The following COL26A1 variants were observed in gnomAD, a reference collection of about 807,000 sequenced individuals.
COL26A1 encodes the protein collagen alpha-1(XXVI) chain.
In COL26A1, 41 loss-of-function variants were observed where a neutral mutation model predicts 59.3. That is an observed-to-expected ratio of 0.69 (90% CI 0.54 to 0.90). The LOEUF (loss-of-function observed/expected upper bound fraction) is 0.90. COL26A1 is among the 40% of genes least tolerant of loss of function. The pLI, the probability that COL26A1 is intolerant of heterozygous loss-of-function variation, is 0.00. For missense variants in COL26A1, 612 were observed against 602.3 expected (o/e 1.02, Z -0.17); for synonymous variants, 266 against 256.0 (o/e 1.04, Z -0.37).
At chr7:101,499,889 A>AAC (rs1554423386) in intron 3 of COL26A1, among the ~76,000 whole-genome samples, 1 of 120,000 alleles carries the variant, frequency 8.3e-6, no homozygotes, top group African/African-American at 3.8e-5. Flanking sequence ...TAAAAAAAAA[A>AAC]AAAAAAACAC....
intron 3 of COL26A1, among the ~76,000 whole-genome samples, chr7:101,451,376 A>G (rs1793334961): frequency 6.8e-6 from 1 of 146,964 alleles, no homozygotes; most frequent in Admixed American, 6.9e-5. Flanking sequence ...AATTATATAT[A>G]ATGTTATATT....
intron 1 of COL26A1, among the ~76,000 whole-genome samples, chr7:101,382,588 T>A (rs1369418125): frequency 1.3e-5 from 2 of 152,248 alleles, no homozygotes; most frequent in Non-Finnish European, 2.9e-5. Flanking sequence ...TATATTTTGT[T>A]AGCTGATAGA....
intron 2 of COL26A1, among the ~76,000 whole-genome samples, chr7:101,429,019 G>C (rs910647063): frequency 6.6e-6 from 1 of 151,384 alleles, no homozygotes; most frequent in African/African-American, 2.4e-5. Flanking sequence ...CTGCCTCCAG[G>C]TTCAAGCAGT....
intron 3 of COL26A1, among the ~76,000 whole-genome samples, chr7:101,530,334 T>C (rs6972074): frequency 0.29 from 44,131 of 151,406 alleles, 7,136 homozygotes; most frequent in African/African-American, 0.44. Context: ...TTTGGGAGGC[T>C]GAGGTGGGCG....
chr7:101,384,600 C>A (rs1212419514), intron 1 of COL26A1, among the ~76,000 whole-genome samples: 1 of 152,154 alleles, frequency 6.6e-6, no homozygotes, highest in East Asian at 1.9e-4. Flanking sequence ...GGATTACAGG[C>A]ATGAGCTATT....
chr7:101,393,886 A>G (rs148799807), intron 1 of COL26A1, among the ~76,000 whole-genome samples: 1,954 of 152,140 alleles, frequency 0.013, 37 homozygotes, highest in African/African-American at 0.044. Context: ...AGCTGCGACT[A>G]CAGGTGTGTG....
At chr7:101,483,825 C>T (rs1190785503) in intron 3 of COL26A1, among the ~76,000 whole-genome samples, 1 of 152,084 alleles carries the variant, frequency 6.6e-6, no homozygotes, top group African/African-American at 2.4e-5. Flanking sequence ...CAGGCACACA[C>T]CACCACTCCT....
intron 3 of COL26A1, among the ~76,000 whole-genome samples, chr7:101,469,570 A>G (rs1793845297): frequency 6.6e-6 from 1 of 151,562 alleles, no homozygotes; most frequent in African/African-American, 2.4e-5. Flanking sequence ...GCTCACTGCA[A>G]TCTCCGCTTC....
At chr7:101,555,640 T>C (rs1031568642) in intron 11 of COL26A1, 147 bp from the exon 12 acceptor site, 12 of 593,170 alleles carry the variant, frequency 2.0e-5, no homozygotes, top group Non-Finnish European at 2.4e-5. Flanking sequence ...TGATGTTCAG[T>C]CTATGCTTAT....
At chr7:101,492,437 C>T (rs1249048323) in intron 3 of COL26A1, among the ~76,000 whole-genome samples, 1 of 151,856 alleles carries the variant, frequency 6.6e-6, no homozygotes. Flanking sequence ...TGGCTCATGC[C>T]TGTAATCTCA....
At chr7:101,374,131 G>A (rs757610528) in intron 1 of COL26A1, among the ~76,000 whole-genome samples, 1 of 152,144 alleles carries the variant, frequency 6.6e-6, no homozygotes, top group African/African-American at 2.4e-5. Context: ...TCTGCCCTCC[G>A]AGTTGTCAGG....
intron 3 of COL26A1, among the ~76,000 whole-genome samples, chr7:101,455,503 C>CTT (rs10690062): frequency 0.25 from 29,619 of 116,310 alleles, 4,599 homozygotes; most frequent in Non-Finnish European, 0.31. Context: ...CTTTTCTTTT[C>CTT]TTTTTTTTTT....
intron 1 of COL26A1, among the ~76,000 whole-genome samples, chr7:101,368,496 G>C (rs926864731): frequency 6.6e-6 from 1 of 152,250 alleles, no homozygotes; most frequent in Non-Finnish European, 1.5e-5. Context: ...CCCATAGGCA[G>C]TGTGCCCAGA....
intron 2 of COL26A1, among the ~76,000 whole-genome samples, chr7:101,444,397 C>T (rs1793134688): frequency 6.8e-6 from 1 of 147,900 alleles, no homozygotes; most frequent in Non-Finnish European, 1.5e-5. Flanking sequence ...TTCTTCCTTC[C>T]TTTCCTTCCT....
At chr7:101,397,687 C>T (rs1303801362) in intron 1 of COL26A1, among the ~76,000 whole-genome samples, 1 of 151,980 alleles carries the variant, frequency 6.6e-6, no homozygotes, top group African/African-American at 2.4e-5. Context: ...CAGGCACACA[C>T]CACCGTGCCT....
intron 1 of COL26A1, among the ~76,000 whole-genome samples, chr7:101,395,413 A>C (rs1441044454): frequency 6.6e-6 from 1 of 152,132 alleles, no homozygotes; most frequent in East Asian, 1.9e-4. Flanking sequence ...TGATGGGTTT[A>C]ATTTTCTGTT....
chr7:101,548,889 G>A (rs1212090968), intron 8 of COL26A1, among the ~76,000 whole-genome samples: 1 of 152,164 alleles, frequency 6.6e-6, no homozygotes. Context: ...CAGTCTGGAC[G>A]GACTTCCTCC....
intron 3 of COL26A1, among the ~76,000 whole-genome samples, chr7:101,476,177 T>TGTGTGTGTGTGTGTGC (rs1794042443): frequency 7.0e-6 from 1 of 143,282 alleles, no homozygotes; most frequent in African/African-American, 2.7e-5. Context: ...TGTGTGTGTG[T>TGTGTGTGTGTGTGTGC]GAGTAGAGAT....
intron 2 of COL26A1, among the ~76,000 whole-genome samples, chr7:101,424,425 C>T (rs1792595894): frequency 6.6e-6 from 1 of 151,920 alleles, no homozygotes; most frequent in Non-Finnish European, 1.5e-5. Flanking sequence ...TGGTGAAACC[C>T]TGTGTCTACT....
Sources: allele counts gnomAD v4.1 joint callset (sites outside exome capture counted in the v4.1 genomes callset), GRCh38; gene constraint gnomAD v4.1.1; transcripts MANE v1.5; gene names NCBI Gene and HGNC (gene_info 2026-07-23, HGNC 2026-07-21).